JAM2: variants seen among roughly 807,000 people sequenced by gnomAD.
JAM2 encodes the protein junctional adhesion molecule B.
In JAM2, 17 loss-of-function variants were observed where a neutral mutation model predicts 42.0. That is an observed-to-expected ratio of 0.40 (90% CI 0.28 to 0.61). JAM2 has a LOEUF of 0.61. Among genes scored for constraint, JAM2 ranks in the 20% least tolerant of loss-of-function variants. The pLI is 0.37. For missense variants in JAM2, 319 were observed against 358.3 expected (o/e 0.89, Z 0.89); for synonymous variants, 118 against 128.6 (o/e 0.92, Z 0.56).
rs777004445 is a variant in JAM2 at position 25,689,938 on chromosome 21, G to T, written c.206G>T (p.Ser69Ile). Reference protein sequence around the residue: ...SRLEWKKLGRSVSFVYYQQTL... With the variant: ...SRLEWKKLGRIVSFVYYQQTL... ...TTAGAGTGGAAGAAACTGGGTCGGA[G>T]TGTCTCCTTTGTCTACTATCAACAG... Residue 69 changes from serine to isoleucine, a missense_variant, in exon 3 of 10, where the codon AGT becomes ATT. Transcript: ENST00000480456. The T allele has an allele frequency of 6.2e-7, 1 of 1,613,492 alleles. No homozygotes were observed. Among genetic ancestry groups the T allele is most frequent in the Non-Finnish European group, 8.5e-7 (1 of 1,179,620 alleles).
chr21:25,642,508 A>G (rs1382711325), intron 1 of JAM2, among the ~76,000 whole-genome samples: 1 of 152,172 alleles, frequency 6.6e-6, no homozygotes, highest in Non-Finnish European at 1.5e-5. Flanking sequence ...ATCATTTATA[A>G]TATCATGCTT....
intron 7 of JAM2, among the ~76,000 whole-genome samples, chr21:25,707,802 C>T (rs979314766): frequency 7.9e-5 from 12 of 151,998 alleles, no homozygotes; most frequent in African/African-American, 2.9e-4. Context: ...AGTTCTAGAC[C>T]CATTGTTTTA....
chr21:25,687,855 C>T (rs933123434), intron 2 of JAM2, among the ~76,000 whole-genome samples: 3 of 152,168 alleles, frequency 2.0e-5, no homozygotes, highest in Admixed American at 1.3e-4. Flanking sequence ...GTAGCCCTGT[C>T]CCTAGCACTT....
chr21:25,653,172 T>C (rs2032828882), intron 1 of JAM2, among the ~76,000 whole-genome samples: 1 of 152,226 alleles, frequency 6.6e-6, no homozygotes, highest in Non-Finnish European at 1.5e-5. Context: ...TTCTGCCTGC[T>C]GGGAGGCCCT....
At chr21:25,682,987 C>T (rs561558636) in intron 1 of JAM2, among the ~76,000 whole-genome samples, 26 of 152,176 alleles carry the variant, frequency 1.7e-4, no homozygotes, top group Non-Finnish European at 3.4e-4. Context: ...TGCTCATCTG[C>T]TTCTAGAACC....
chr21:25,696,186 G>C (rs1039330735), intron 4 of JAM2, among the ~76,000 whole-genome samples: 1 of 152,188 alleles, frequency 6.6e-6, no homozygotes, highest in Non-Finnish European at 1.5e-5. Flanking sequence ...AGGAGCTGGA[G>C]ACCAGCCTGG....
intron 1 of JAM2, among the ~76,000 whole-genome samples, chr21:25,670,491 T>G (rs1294529586): frequency 6.6e-6 from 1 of 151,212 alleles, no homozygotes; most frequent in Non-Finnish European, 1.5e-5. Flanking sequence ...GTGTCAAAAT[T>G]TAAAAAAAAA....
chr21:25,646,591 GGA>G (rs146429601), intron 1 of JAM2, among the ~76,000 whole-genome samples: 76 of 150,228 alleles, frequency 5.1e-4, no homozygotes, highest in East Asian at 7.8e-4. Flanking sequence ...AGAGAGAGAA[GGA>G]GAGAGAGAGA....
At chr21:25,643,669 C>T (rs144857660) in intron 1 of JAM2, 14 of 152,220 alleles carry the variant, frequency 9.2e-5, no homozygotes, top group Admixed American at 2.6e-4. Context: ...TGAACAGAAA[C>T]GCTAAAATGG....
Position 25,714,737 on chromosome 21 carries a change from C to T in JAM2, c.*65C>T. 3 of 1,088,086 alleles carry T rather than the reference C, an allele frequency of 2.8e-6. No homozygotes were observed. The highest frequency in any genetic ancestry group is 3.9e-6 in the Non-Finnish European group (3 of 772,744). 67.4% of individuals were successfully genotyped at this position (1,088,086 alleles called of 1,614,324 possible). Reference sequence around the variant, plus strand: ...CACAAGTTATTAAACTATTATAAAACTCTGCTTTGTCCGACATTTGCAAAG... The same window carrying T: ...CACAAGTTATTAAACTATTATAAAATTCTGCTTTGTCCGACATTTGCAAAG... On this transcript the variant is annotated 3_prime_UTR_variant, in exon 10 of 10. Transcript: ENST00000480456.
intron 1 of JAM2, among the ~76,000 whole-genome samples, chr21:25,640,525 TAGAA>T (rs1475349224): frequency 8.5e-5 from 13 of 152,178 alleles, no homozygotes; most frequent in Non-Finnish European, 4.4e-5. Flanking sequence ...GGACGATTGT[TAGAA>T]AGATTCAGAA....
chr21:25,711,497 T>C (rs1201911162), intron 8 of JAM2: 1 of 429,608 alleles, frequency 2.3e-6, no homozygotes, highest in Non-Finnish European at 4.6e-6. Flanking sequence ...CATCTCCTAA[T>C]TCCTTTGAAG....
chr21:25,648,188 G>C (rs971893573), intron 1 of JAM2, among the ~76,000 whole-genome samples: 7 of 151,306 alleles, frequency 4.6e-5, no homozygotes, highest in Admixed American at 2.6e-4. Context: ...TCCAGCCTGG[G>C]CAACACAGCA....
At chr21:25,688,622 T>C (rs185259157) in intron 2 of JAM2, among the ~76,000 whole-genome samples, 12 of 152,362 alleles carry the variant, frequency 7.9e-5, no homozygotes, top group Non-Finnish European at 1.3e-4. Context: ...TTAAAAACTT[T>C]AGACATTCTT....
chr21:25,683,199 A>G lies in JAM2; in HGVS notation c.68-684A>G, dbSNP rs184367702. ...GTATCAAAGGTGCCTTTTTAAATGA[A>G]AATTTCTGTGTTAGTTTAAGGGAGT... On this transcript the variant is annotated intron_variant, in intron 1 of 9. Coordinates refer to ENST00000480456, the MANE Select transcript of JAM2 (RefSeq NM_021219.4). Among the ~76,000 whole-genome samples the G allele has an allele frequency of 4.0e-3, 601 of 152,146 alleles. 4 individuals carry two copies. Among genetic ancestry groups the G allele is most frequent in the Non-Finnish European group, 4.2e-3 (286 of 68,008 alleles).
rs866658777 is a variant in JAM2 at position 25,715,875 on chromosome 21, A to T, written c.*1203A>T. ...GTAACTTCTTTTAATTACTGAATTG[A>T]TATTAAAAACAAAATATGGCTAGGG... is the stretch of plus-strand genomic sequence containing the variant. On this transcript the variant is annotated 3_prime_UTR_variant, in exon 10 of 10. Coordinates refer to ENST00000480456, the MANE Select transcript of JAM2 (RefSeq NM_021219.4). 1 of 152,196 alleles carries T rather than the reference A, an allele frequency of 6.6e-6. No individual in the cohort carries two copies. Among genetic ancestry groups the T allele is most frequent in the African/African-American group, 2.4e-5 (1 of 41,450 alleles). The allele number at this position is 152,196 out of a possible 1,614,324, so 9.4% of individuals were successfully genotyped here.
chr21:25,660,384 G>C (rs570843176), intron 1 of JAM2, among the ~76,000 whole-genome samples: 2 of 152,186 alleles, frequency 1.3e-5, no homozygotes, highest in Admixed American at 1.3e-4. Context: ...TTAACAGAGA[G>C]TGTGCTCAAG....
intron 2 of JAM2, among the ~76,000 whole-genome samples, chr21:25,688,508 A>G (rs1029288142): frequency 6.6e-6 from 1 of 152,342 alleles, no homozygotes; most frequent in Admixed American, 6.5e-5. Flanking sequence ...TCAACAGAAA[A>G]GAACTGTGTT....
intron 1 of JAM2, among the ~76,000 whole-genome samples, chr21:25,664,388 A>G (rs139035875): frequency 6.6e-6 from 1 of 152,262 alleles, no homozygotes; most frequent in Non-Finnish European, 1.5e-5. Context: ...GGCGCACGCC[A>G]TCATGCCCAG....
Sources: allele counts gnomAD v4.1 joint callset (sites outside exome capture counted in the v4.1 genomes callset), GRCh38; gene constraint gnomAD v4.1.1; transcripts MANE v1.5; gene names NCBI Gene and HGNC (gene_info 2026-07-23, HGNC 2026-07-21).